The following PRKCH variants were observed in gnomAD, a reference collection of about 807,000 sequenced individuals.
The protein encoded by PRKCH is protein kinase C eta.
Under a neutral mutation model 82.5 loss-of-function variants are expected in PRKCH, and 28 were observed. The ratio of observed to expected loss-of-function variants is 0.34; its 90% confidence interval spans 0.25 to 0.47. The LOEUF is 0.47. Ranked by LOEUF, PRKCH falls within the 20% of genes least tolerant of loss-of-function variation. PRKCH has a pLI of 1.00. For missense variants in PRKCH, 705 were observed against 881.8 expected, an observed-to-expected ratio of 0.80 and a Z score of 2.54; for synonymous variants, 322 against 327.4, an observed-to-expected ratio of 0.98 and a Z score of 0.18.
At chr14:61,429,506 T>C (rs938920140) in intron 2 of PRKCH, among the ~76,000 whole-genome samples, 2 of 152,194 alleles carry the variant, frequency 1.3e-5, no homozygotes, top group Non-Finnish European at 2.9e-5. Context: ...ACTGAGTACA[T>C]TACTTTCAGA....
intron 1 of PRKCH, among the ~76,000 whole-genome samples, chr14:61,261,944 G>A (rs531725029): frequency 7.2e-5 from 11 of 151,878 alleles, no homozygotes; most frequent in South Asian, 2.1e-4. Flanking sequence ...GAGCAGCACC[G>A]GGCACGGTAG....
intron 1 of PRKCH, among the ~76,000 whole-genome samples, chr14:61,314,080 G>C (rs1365080899): frequency 6.6e-6 from 1 of 152,220 alleles, no homozygotes; most frequent in African/African-American, 2.4e-5. Context: ...TTGGTGACAT[G>C]CTAGTTTTAC....
At chr14:61,244,022 C>T (rs1381184548) in intron 1 of PRKCH, among the ~76,000 whole-genome samples, 1 of 151,908 alleles carries the variant, frequency 6.6e-6, no homozygotes, top group Non-Finnish European at 1.5e-5. Flanking sequence ...AGCTGCACAT[C>T]ACCGCAGCCT....
intron 1 of PRKCH, chr14:61,322,708 A>G: frequency 2.0e-6 from 1 of 494,044 alleles, no homozygotes; most frequent in Non-Finnish European, 3.5e-6. Flanking sequence ...GGCTTGGCCT[A>G]ACGGGAAGTC....
chr14:61,373,718 A>C (rs1227465648), intron 1 of PRKCH, among the ~76,000 whole-genome samples: 1 of 152,096 alleles, frequency 6.6e-6, no homozygotes, highest in African/African-American at 2.4e-5. Flanking sequence ...CTTCTGCCTC[A>C]GCCTCCTGAG....
At chr14:61,310,601 G>C (rs2045515516) in intron 1 of PRKCH, among the ~76,000 whole-genome samples, 1 of 152,212 alleles carries the variant, frequency 6.6e-6, no homozygotes, top group Non-Finnish European at 1.5e-5. Context: ...TTGGTGTTGA[G>C]TGCCTGTGGC....
chr14:61,550,097 T>C lies in PRKCH; in HGVS notation c.*266T>C, dbSNP rs77292187. ...CTATGAGCGTCTGTCTCTGTGGGCT[T>C]GGGATGTTAACAGGAGCCAAAAGGA... On this transcript the variant is annotated 3_prime_UTR_variant, in exon 14 of 14. Coordinates refer to ENST00000332981, the MANE Select transcript of PRKCH (RefSeq NM_006255.5). 2.5e-3 allele frequency: 825 copies of C among 330,826 alleles called. 14 individuals are homozygous for C. The highest frequency in any genetic ancestry group is 0.022 in the East Asian group (461 of 20,574). 20.5% of individuals were successfully genotyped at this position (330,826 alleles called of 1,614,324 possible).
At chr14:61,514,514 G>C (rs550851811) in intron 10 of PRKCH, among the ~76,000 whole-genome samples, 1 of 152,112 alleles carries the variant, frequency 6.6e-6, no homozygotes, top group Non-Finnish European at 1.5e-5. Flanking sequence ...CCCCAAGACA[G>C]GGGACCTCTG....
At position 61,280,269 on chromosome 14, in the gene PRKCH, C is replaced by T. The variant is rs1203296761; in HGVS notation, c.-19+92601C>T. The T allele has an allele frequency of 6.2e-7, 1 of 1,614,052 alleles. No homozygotes were observed. The highest frequency in any genetic ancestry group is 1.1e-5 in the South Asian group (1 of 91,080). Reference sequence around the variant, plus strand: ...GGAGCTTGTGGCCGCCGAACGCGCGCACCGGGTAGTTGTAGGTGATGTTGA... The same window carrying T: ...GGAGCTTGTGGCCGCCGAACGCGCGTACCGGGTAGTTGTAGGTGATGTTGA... On this transcript the variant is annotated intron_variant, in intron 1 of 3. Transcript: ENST00000555185. This position sits in a 1 kb window ranked among gnomAD's most constrained non-coding sequence, Gnocchi z 5.0.
chr14:61,269,201 G>T (rs987528461), intron 1 of PRKCH, among the ~76,000 whole-genome samples: 1 of 152,010 alleles, frequency 6.6e-6, no homozygotes, highest in Non-Finnish European at 1.5e-5. Context: ...AAAGAAATTT[G>T]TAGTAACCAC....
At chr14:61,534,111 A>C (rs980072783) in intron 12 of PRKCH, among the ~76,000 whole-genome samples, 1 of 152,212 alleles carries the variant, frequency 6.6e-6, no homozygotes, top group Non-Finnish European at 1.5e-5. Context: ...GCCTTTGTGC[A>C]CTGCTGATGA....
intron 2 of PRKCH, among the ~76,000 whole-genome samples, chr14:61,424,364 A>G (rs1883003337): frequency 6.6e-6 from 1 of 152,210 alleles, no homozygotes; most frequent in Non-Finnish European, 1.5e-5. Context: ...AAAGTTTGGA[A>G]CTTCCTAGAG....
At chr14:61,437,785 A>T (rs1407497325) in intron 2 of PRKCH, among the ~76,000 whole-genome samples, 1 of 152,118 alleles carries the variant, frequency 6.6e-6, no homozygotes, top group Non-Finnish European at 1.5e-5. Flanking sequence ...TCTAGACAAT[A>T]GACAGTTGAA....
intron 3 of PRKCH, among the ~76,000 whole-genome samples, chr14:61,444,178 AAAC>A (rs141172885): frequency 0.04 from 6,057 of 152,350 alleles, 345 homozygotes; most frequent in African/African-American, 0.12. Context: ...TTTAATCAAG[AAAC>A]AACGATTTTG....
intron 10 of PRKCH, chr14:61,525,794 C>T (rs1014938521): frequency 6.6e-6 from 1 of 152,218 alleles, no homozygotes; most frequent in African/African-American, 2.4e-5. Flanking sequence ...AACTCAGTGA[C>T]CTTGTTTGGA....
intron 2 of PRKCH, among the ~76,000 whole-genome samples, chr14:61,406,942 T>C (rs1425459223): frequency 6.6e-6 from 1 of 151,976 alleles, no homozygotes; most frequent in Admixed American, 6.6e-5. Context: ...TTTGCTGTGA[T>C]TGGAGTAGTG....
rs1421074710 is a variant in PRKCH, at chr14:61,485,536, G to A, written c.1313G>A (p.Gly438Glu). Reference sequence around the variant, plus strand: ...TTTTTTGTGATGGAGTTTGTGAATGGGGGTGACTTGATGTTCCACATTCAG... The same window carrying A: ...TTTTTTGTGATGGAGTTTGTGAATGAGGGTGACTTGATGTTCCACATTCAG... ...RLFFVMEFVN[G>E]GDLMFHIQKS... is the part of the protein sequence containing the mutation. The change falls in exon 10 of 14, where the codon GGG (glycine) becomes GAG (glutamate). Residue 438 changes from glycine (G) to glutamate (E), a missense_variant. Physicochemically the swap from Gly to Glu is moderately conservative, Grantham distance 98 (BLOSUM62 -2). This residue lies in a region of PRKCH where 238 missense variants were observed against 258.1 expected (regional missense o/e 0.92). Transcript: ENST00000332981. 6.2e-7 allele frequency: 1 copy of A among 1,614,148 alleles called. No individual in the cohort carries two copies. Among genetic ancestry groups the A allele is most frequent in the East Asian group, 2.2e-5 (1 of 44,884 alleles).
intron 1 of PRKCH, among the ~76,000 whole-genome samples, chr14:61,225,080 G>A (rs1182315413): frequency 6.6e-6 from 1 of 152,114 alleles, no homozygotes; most frequent in Non-Finnish European, 1.5e-5. Context: ...TGGCCGGGGT[G>A]AGCACCATAC....
chr14:61,379,104 A>C (rs1159829172), intron 1 of PRKCH, among the ~76,000 whole-genome samples: 1 of 152,190 alleles, frequency 6.6e-6, no homozygotes, highest in Non-Finnish European at 1.5e-5. Flanking sequence ...TTTCCTCTGC[A>C]GTCCTATTTC....
Sources: gnomAD v4.1 joint callset for allele counts (sites outside exome capture counted in the v4.1 genomes callset) on GRCh38, gnomAD v4.1.1 for gene constraint, gnomAD v4.1.1 regional missense constraint, Gnocchi (gnomAD v3.1) non-coding constraint, MANE v1.5 for transcripts, NCBI Gene and HGNC (gene_info 2026-07-23, HGNC 2026-07-21) for gene names.